CATSPERT: variants seen among roughly 807,000 people sequenced by gnomAD.
CATSPERT encodes the protein cation channel sperm-associated targeting subunit tau.
chr2:201,494,870 C>G, the CATSPERT span: 4 of 954,364 alleles, frequency 4.2e-6, no homozygotes, highest in Non-Finnish European at 5.5e-6. Flanking sequence ...ATTCAGTCTC[C>G]TACCCTCCAC....
the CATSPERT span, chr2:201,491,105 A>T: frequency 5.3e-6 from 7 of 1,329,758 alleles, no homozygotes; most frequent in Non-Finnish European, 7.1e-6. Flanking sequence ...AGATATATAC[A>T]CCCTAAATTA....
chr2:201,550,058 CT>C, the CATSPERT span: 1 of 152,134 alleles, frequency 6.6e-6, no homozygotes, highest in East Asian at 1.9e-4. Context: ...AGTAGTCCTA[CT>C]TATGGAAATG....
At chr2:201,604,148 T>TGG in the CATSPERT span, among the ~76,000 whole-genome samples, 1 of 142,552 alleles carries the variant, frequency 7.0e-6, no homozygotes, top group African/African-American at 2.5e-5. Context: ...TGTGTGTATG[T>TGG]GTGTGTGTGT....
chr2:201,488,958 T>G, the CATSPERT span, among the ~76,000 whole-genome samples: 1 of 152,202 alleles, frequency 6.6e-6, no homozygotes, highest in Non-Finnish European at 1.5e-5. Context: ...CACATAATTT[T>G]CCTTCACAGC....
chr2:201,502,131 G>A, the CATSPERT span, among the ~76,000 whole-genome samples: 1 of 152,188 alleles, frequency 6.6e-6, no homozygotes, highest in Non-Finnish European at 1.5e-5. Flanking sequence ...GACCAACAGT[G>A]CTGCTGTACT....
At chr2:201,587,130 C>T in the CATSPERT span, among the ~76,000 whole-genome samples, 3 of 152,054 alleles carry the variant, frequency 2.0e-5, no homozygotes, top group East Asian at 1.9e-4. Context: ...TCTATTTACA[C>T]CTCCTCATTC....
At chr2:201,577,832 A>T in the CATSPERT span, among the ~76,000 whole-genome samples, 3 of 152,198 alleles carry the variant, frequency 2.0e-5, no homozygotes, top group African/African-American at 7.2e-5. Context: ...AACGTATTGT[A>T]TATTTCAAAA....
chr2:201,535,077 CTG>C, the CATSPERT span: 30 of 911,198 alleles, frequency 3.3e-5, no homozygotes, highest in Non-Finnish European at 3.9e-5. Flanking sequence ...TCTAAATTTT[CTG>C]TGACTGTGCA....
At chr2:201,519,382 A>C in the CATSPERT span, among the ~76,000 whole-genome samples, 1 of 152,186 alleles carries the variant, frequency 6.6e-6, no homozygotes, top group Non-Finnish European at 1.5e-5. Flanking sequence ...GTCTTTCCCT[A>C]CAAAACCTTC....
chr2:201,540,344 G>C, the CATSPERT span, among the ~76,000 whole-genome samples: 2 of 152,198 alleles, frequency 1.3e-5, no homozygotes, highest in Non-Finnish European at 2.9e-5. Flanking sequence ...CTGAAAGAAG[G>C]TGTCATCTAG....
the CATSPERT span, among the ~76,000 whole-genome samples, chr2:201,533,928 A>G: frequency 1.7e-4 from 26 of 152,138 alleles, no homozygotes; most frequent in African/African-American, 6.3e-4. Context: ...GCTGCCACAT[A>G]AAAAGCTCAG....
chr2:201,501,487 T>G, the CATSPERT span, among the ~76,000 whole-genome samples: 5 of 150,600 alleles, frequency 3.3e-5, no homozygotes, highest in Non-Finnish European at 7.4e-5. Context: ...AATGCATACA[T>G]TAGAATAAGA....
At chr2:201,489,515 A>T in the CATSPERT span, among the ~76,000 whole-genome samples, 1 of 152,204 alleles carries the variant, frequency 6.6e-6, no homozygotes, top group African/African-American at 2.4e-5. Flanking sequence ...TATATAGCTA[A>T]TATTTAGCTG....
At chr2:201,509,016 T>C in the CATSPERT span, among the ~76,000 whole-genome samples, 1 of 143,470 alleles carries the variant, frequency 7.0e-6, no homozygotes, top group African/African-American at 3.0e-5. Flanking sequence ...TATGTATCTA[T>C]GTATCAGAAA....
At chr2:201,589,672 A>C in the CATSPERT span, among the ~76,000 whole-genome samples, 6 of 152,230 alleles carry the variant, frequency 3.9e-5, 1 homozygote, top group South Asian at 1.2e-3. Context: ...AGACAACCTA[A>C]GCAATACCAT....
chr2:201,520,212 C>T, the CATSPERT span, among the ~76,000 whole-genome samples: 3 of 152,076 alleles, frequency 2.0e-5, no homozygotes, highest in South Asian at 2.1e-4. Context: ...GGCTCCAATA[C>T]GATAATAGAT....
chr2:201,565,808 C>T, the CATSPERT span: 2 of 1,610,722 alleles, frequency 1.2e-6, no homozygotes, highest in African/African-American at 2.7e-5. Flanking sequence ...GGAGTCCCAA[C>T]AGTAACATTC....
At chr2:201,616,043 T>C in the CATSPERT span, among the ~76,000 whole-genome samples, 1 of 152,126 alleles carries the variant, frequency 6.6e-6, no homozygotes, top group South Asian at 2.1e-4. Context: ...AATAACAGGT[T>C]CTGAAATTGA....
the CATSPERT span, among the ~76,000 whole-genome samples, chr2:201,590,268 G>A: frequency 2.0e-5 from 3 of 151,638 alleles, no homozygotes; most frequent in Non-Finnish European, 2.9e-5. Flanking sequence ...AGTTTACTGA[G>A]AATGATGATT....
Sources: allele counts gnomAD v4.1 joint callset (sites outside exome capture counted in the v4.1 genomes callset), GRCh38; gene constraint gnomAD v4.1.1; transcripts MANE v1.5; gene names NCBI Gene and HGNC (gene_info 2026-07-23, HGNC 2026-07-21).